The following SLC25A40 variants were observed in gnomAD, a reference collection of about 807,000 sequenced individuals.
SLC25A40 encodes solute carrier family 25 member 40, also known as mitochondrial glutathione transporter SLC25A40.
A neutral mutation model predicts 46.5 loss-of-function variants in SLC25A40; 41 were observed. The observed-to-expected ratio is 0.88, with a 90% CI of 0.69 to 1.14. SLC25A40 has a LOEUF of 1.14. Among genes scored for constraint, SLC25A40 ranks in the 50% most tolerant of loss-of-function variants. The probability of loss-of-function intolerance (pLI) is 0.00; values close to 1 mark genes in which losing one functional copy is unlikely to be tolerated. For synonymous variants in SLC25A40, 126 were observed against 127.5 expected, an observed-to-expected ratio of 0.99 and a Z score of 0.08; for missense variants, 386 against 393.6, an observed-to-expected ratio of 0.98 and a Z score of 0.16.
chr7:87,853,655 T>C (rs928130564), intron 5 of SLC25A40, among the ~76,000 whole-genome samples: 1 of 152,200 alleles, frequency 6.6e-6, no homozygotes, highest in East Asian at 1.9e-4. Context: ...ACCAGGTAAT[T>C]ATGCTATGTA....
rs762354395 is a variant in SLC25A40 at position 87,871,038 on chromosome 7, T to G, written c.-94+5058A>C. ...GGGTCACAGGCATCCCTCTCCTAGA[T>G]GCTGCCACAGGGCCGGTACAGTTTG... is the stretch of plus-strand genomic sequence containing the variant. On this transcript the variant is annotated intron_variant, in intron 1 of 11. Coordinates refer to ENST00000341119, the MANE Select transcript of SLC25A40 (RefSeq NM_018843.4). Among the ~76,000 whole-genome samples the G allele has an allele frequency of 2.0e-5, 3 of 152,172 alleles. No homozygotes were observed. In the South Asian group the frequency reaches 6.2e-4, roughly 31 times the overall value.
chr7:87,847,863 A>G lies in SLC25A40; in HGVS notation c.447T>C (p.Ile149=), dbSNP rs772623210. The change falls in exon 7 of 12, where the codon ATT becomes ATC. Residue 149 remains isoleucine (I), a synonymous_variant. Coordinates refer to ENST00000341119, the MANE Select transcript of SLC25A40 (RefSeq NM_018843.4). ...AGATTTATTACTCACATCTGGCTACAATTCCAGCAACAATTGGTATGCAGG... is the reference window on the plus strand; with the variant it reads ...AGATTTATTACTCACATCTGGCTACGATTCCAGCAACAATTGGTATGCAGG... ...NETCIPIVAG[I]VARFGAVTVI... 1 of 1,607,272 alleles carries G rather than the reference A, an allele frequency of 6.2e-7. No individual in the cohort carries two copies. Among genetic ancestry groups the G allele is most frequent in the Non-Finnish European group, 8.5e-7 (1 of 1,178,034 alleles).
chr7:87,862,954 A>G (rs1468582084), intron 1 of SLC25A40, among the ~76,000 whole-genome samples: 1 of 152,148 alleles, frequency 6.6e-6, no homozygotes, highest in Non-Finnish European at 1.5e-5. Flanking sequence ...TCTCTCCCAC[A>G]ATATGTGGGG....
chr7:87,864,429 C>T (rs914850955), intron 1 of SLC25A40, among the ~76,000 whole-genome samples: 4 of 152,092 alleles, frequency 2.6e-5, no homozygotes, highest in Admixed American at 6.5e-5. Context: ...ATCAAAAAAA[C>T]GTGGTCTTAT....
At chr7:87,871,204 C>T (rs766853079) in intron 1 of SLC25A40, among the ~76,000 whole-genome samples, 9 of 152,176 alleles carry the variant, frequency 5.9e-5, no homozygotes, top group Admixed American at 2.6e-4. Context: ...TGCATGAAGG[C>T]GTCAGGGAAA....
intron 1 of SLC25A40, among the ~76,000 whole-genome samples, chr7:87,861,759 T>C (rs1838701915): frequency 1.3e-5 from 2 of 152,184 alleles, no homozygotes; most frequent in Admixed American, 1.3e-4. Flanking sequence ...TTGTTGACAT[T>C]GATGCCAGCA....
At chr7:87,836,907 A>C in intron 10 of SLC25A40, 97 bp from the exon 11 acceptor site, 17 of 621,286 alleles carry the variant, frequency 2.7e-5, no homozygotes, top group East Asian at 3.6e-5. Context: ...CGGATATATC[A>C]TTTCTTTACC....
intron 1 of SLC25A40, among the ~76,000 whole-genome samples, chr7:87,863,529 G>A (rs927331555): frequency 6.6e-6 from 1 of 151,534 alleles, no homozygotes; most frequent in African/African-American, 2.4e-5. Flanking sequence ...AAATAACCCA[G>A]TCTCAGGTAT....
chr7:87,856,949 T>C (rs1838623836), intron 3 of SLC25A40, among the ~76,000 whole-genome samples: 1 of 151,980 alleles, frequency 6.6e-6, no homozygotes, highest in African/African-American at 2.4e-5. Flanking sequence ...AGAATGATGA[T>C]AATTATATTA....
chr7:87,859,987 G>A (rs989774319), intron 2 of SLC25A40: 1 of 152,120 alleles, frequency 6.6e-6, no homozygotes, highest in Admixed American at 6.5e-5. Flanking sequence ...CCTGAGGTCA[G>A]GAGTTTGAGA....
At chr7:87,849,855 A>T (rs112994231) in intron 6 of SLC25A40, 26 bp downstream of exon 6, 90 of 1,480,732 alleles carry the variant, frequency 6.1e-5, no homozygotes, top group Non-Finnish European at 8.0e-5. Context: ...ATTATTTAGT[A>T]GAAAAAACAT....
In SLC25A40 at chr7:87,875,988, C is replaced by T. The variant is rs548955087; in HGVS notation, c.-94+108G>A. On this transcript the variant is annotated intron_variant, in intron 1 of 11. Transcript: ENST00000341119. ...GGCTGCGGCTGCCGCCGCTGTCCGG[C>T]TCCGGTTCCGGCCCCGGCCCCGGGC... The T allele has an allele frequency of 7.6e-4, 116 of 152,408 alleles. 1 individual carries two copies. The highest frequency in any genetic ancestry group is 2.6e-3 in the African/African-American group (110 of 41,578). The allele number at this position is 152,408 out of a possible 1,614,324, so 9.4% of individuals were successfully genotyped here.
intron 4 of SLC25A40, 84 bp from the exon 5 acceptor site, chr7:87,854,394 A>C: frequency 1.3e-6 from 1 of 755,084 alleles, no homozygotes; most frequent in Non-Finnish European, 2.2e-6. Context: ...CATCACAATG[A>C]GGAAACTAGA....
intron 5 of SLC25A40, among the ~76,000 whole-genome samples, chr7:87,851,788 C>CAA (rs1318365966): frequency 6.6e-6 from 1 of 152,094 alleles, no homozygotes; most frequent in East Asian, 1.9e-4. Context: ...CCTTTCTTCC[C>CAA]CATGGAAGCA....
At chr7:87,837,369 A>G (rs1838272337) in intron 10 of SLC25A40, among the ~76,000 whole-genome samples, 2 of 150,964 alleles carry the variant, frequency 1.3e-5, no homozygotes, top group Admixed American at 1.3e-4. Flanking sequence ...TTTTTTTCTA[A>G]AAGGAGTTTC....
rs1416565803 is a variant in SLC25A40, at chr7:87,836,217, T to TG, written c.*31_*32insC. ...CCTAAGAGTCTCCATCTTCTTTGGC[T>TG]ATAGTTGTTGTTTCAAGTTGAAACA... On this transcript the variant is annotated 3_prime_UTR_variant, in exon 12 of 12. Coordinates refer to ENST00000341119, the MANE Select transcript of SLC25A40 (RefSeq NM_018843.4). 1 of 1,339,874 alleles carries TG rather than the reference T, an allele frequency of 7.5e-7. No individual in the cohort carries two copies. Among genetic ancestry groups the TG allele is most frequent in the Non-Finnish European group, 1.0e-6 (1 of 956,076 alleles). 83.0% of individuals were successfully genotyped at this position (1,339,874 alleles called of 1,614,324 possible).
At chr7:87,870,703 T>C (rs1838883716) in intron 1 of SLC25A40, among the ~76,000 whole-genome samples, 3 of 152,196 alleles carry the variant, frequency 2.0e-5, no homozygotes, top group Non-Finnish European at 4.4e-5. Context: ...GATGGCTTGA[T>C]GGTGTAACTT....
At chr7:87,844,787 T>A (rs185073108) in intron 8 of SLC25A40, among the ~76,000 whole-genome samples, 1 of 149,738 alleles carries the variant, frequency 6.7e-6, no homozygotes, top group Admixed American at 6.9e-5. Flanking sequence ...AAATAGCTAC[T>A]AAAAGCTGGG....
chr7:87,869,196 C>G lies in SLC25A40; in HGVS notation c.-94+6900G>C, dbSNP rs78160655. Reference sequence around the variant, plus strand: ...CAGTTTTCTGTTAAAGAGAATGAAGCCAACTTGCTTCTACACCACCATTTT... The same window carrying G: ...CAGTTTTCTGTTAAAGAGAATGAAGGCAACTTGCTTCTACACCACCATTTT... On this transcript the variant is annotated intron_variant, in intron 1 of 11. Transcript: ENST00000341119. Among the ~76,000 whole-genome samples, 473 of 152,142 alleles carry G rather than the reference C, an allele frequency of 3.1e-3. 6 individuals are homozygous for G. The East Asian group carries it at 0.049, about 16-fold the overall frequency.
Sources: gnomAD v4.1 joint callset for allele counts (sites outside exome capture counted in the v4.1 genomes callset) on GRCh38, gnomAD v4.1.1 for gene constraint, MANE v1.5 for transcripts, NCBI Gene and HGNC (gene_info 2026-07-23, HGNC 2026-07-21) for gene names.